MTUS2: variants seen among roughly 807,000 people sequenced by gnomAD.
MTUS2 encodes microtubule associated scaffold protein 2.
MTUS2 carries 40 observed loss-of-function variants against 114.1 expected under a neutral mutation model. That is an observed-to-expected ratio of 0.35 (90% CI 0.27 to 0.46). The LOEUF is 0.46. Among genes scored for constraint, MTUS2 ranks in the 20% least tolerant of loss-of-function variants. MTUS2 has a pLI of 1.00. For missense variants in MTUS2, 1,679 were observed against 1,705.4 expected (o/e 0.98, Z 0.27); for synonymous variants, 688 against 672.0 (o/e 1.02, Z -0.37).
At chr13:29,085,022 T>C (rs1180271327) in intron 4 of MTUS2, among the ~76,000 whole-genome samples, 2 of 152,172 alleles carry the variant, frequency 1.3e-5, no homozygotes, top group Non-Finnish European at 2.9e-5. Context: ...CCCTTGGTGA[T>C]GAGTGAATTC....
intron 5 of MTUS2, among the ~76,000 whole-genome samples, chr13:29,181,786 T>C (rs932442995): frequency 3.3e-5 from 3 of 91,828 alleles, no homozygotes; most frequent in Non-Finnish European, 6.2e-5. Context: ...ATTTATATAC[T>C]ACTGTGTGTG....
intron 1 of MTUS2, among the ~76,000 whole-genome samples, chr13:28,834,761 G>A (rs1593232450): frequency 6.6e-6 from 1 of 152,060 alleles, no homozygotes; most frequent in Admixed American, 6.6e-5. Context: ...TTAATTTTTT[G>A]AAAATTATGT....
intron 5 of MTUS2, among the ~76,000 whole-genome samples, chr13:29,242,109 A>G (rs1896755248): frequency 6.6e-6 from 1 of 152,274 alleles, no homozygotes; most frequent in Non-Finnish European, 1.5e-5. Flanking sequence ...TTTACATATC[A>G]TAAAATTCAC....
chr13:29,337,930 A>G (rs1593319470), intron 7 of MTUS2, among the ~76,000 whole-genome samples: 1 of 150,278 alleles, frequency 6.7e-6, no homozygotes, highest in Non-Finnish European at 1.5e-5. Context: ...CTGGGACTAC[A>G]GGTGTGTGTC....
intron 6 of MTUS2, among the ~76,000 whole-genome samples, chr13:29,297,324 G>A (rs567681452): frequency 1.1e-4 from 16 of 152,198 alleles, no homozygotes; most frequent in African/African-American, 3.1e-4. Context: ...TATGAAAGTC[G>A]TTTCTTATTT....
intron 11 of MTUS2, among the ~76,000 whole-genome samples, chr13:29,488,630 T>G (rs1256662769): frequency 6.6e-6 from 1 of 151,956 alleles, no homozygotes. Context: ...TTTATGATGT[T>G]TATTGCCTTA....
chr13:28,840,357 A>G (rs1875390169), intron 2 of MTUS2, among the ~76,000 whole-genome samples: 1 of 152,202 alleles, frequency 6.6e-6, no homozygotes, highest in African/African-American at 2.4e-5. Flanking sequence ...AGCCAAGACC[A>G]CAGAAAGCTT....
At chr13:29,319,075 G>A (rs996275586) in intron 6 of MTUS2, among the ~76,000 whole-genome samples, 9 of 152,236 alleles carry the variant, frequency 5.9e-5, no homozygotes, top group East Asian at 5.8e-4. Flanking sequence ...CTGAATCTCC[G>A]TATAGATAAG....
intron 8 of MTUS2, among the ~76,000 whole-genome samples, chr13:29,378,835 A>G (rs1367149896): frequency 6.6e-6 from 1 of 152,010 alleles, no homozygotes; most frequent in East Asian, 1.9e-4. Context: ...ACTTCATGCT[A>G]TGGTCTAGCT....
intron 2 of MTUS2, among the ~76,000 whole-genome samples, chr13:28,882,821 G>C (rs1029669292): frequency 1.8e-4 from 27 of 152,154 alleles, no homozygotes; most frequent in African/African-American, 5.8e-4. Flanking sequence ...GCAAGCCACA[G>C]TTAGAAACTT....
rs2139031808 is a variant in MTUS2, at chr13:29,503,073, A to G, written c.3977A>G (p.Asn1326Ser). 1.9e-6 allele frequency: 3 copies of G among 1,614,254 alleles called. No homozygotes were observed. Among genetic ancestry groups the G allele is most frequent in the African/African-American group, 1.3e-5 (1 of 75,068 alleles). The change falls in exon 16 of 16, where the codon AAT becomes AGT. Residue 1326 changes from asparagine to serine, a missense_variant. By Grantham distance (46) the Asn-to-Ser change is conservative (BLOSUM62 1). Transcript: ENST00000612955. The stretch of plus-strand genomic sequence containing the variant: ...GAGAAGAAGAGATTGAGCCGAACCA[A>G]TGAAGAGCTGCTTTGGAAGCTCCAA... ...TQEKKRLSRT[N>S]EELLWKLQTG...
intron 7 of MTUS2, among the ~76,000 whole-genome samples, chr13:29,334,712 G>A (rs148394516): frequency 4.3e-4 from 65 of 152,178 alleles, no homozygotes; most frequent in African/African-American, 1.5e-3. Context: ...TATCTTAGTG[G>A]TGTTCTCTAT....
rs770163432 is a variant in MTUS2, at chr13:29,066,481, TG to T, written c.2446+32357del. On this transcript the variant is annotated intron_variant, in intron 4 of 15. Coordinates refer to ENST00000612955, the MANE Select transcript of MTUS2 (RefSeq NM_001033602.4). The stretch of plus-strand genomic sequence containing the variant: ...GAGCAGGGGTGGGTTTTGTTGTCTC[TG>T]TTGCAACTACTCACCTCCGATGTTA... Among the ~76,000 whole-genome samples, 6 of 152,334 alleles carry T rather than the reference TG, an allele frequency of 3.9e-5. No individual in the cohort carries two copies. In the East Asian group the frequency reaches 1.2e-3, roughly 29 times the overall value.
chr13:29,338,041 C>T (rs1392792530), intron 7 of MTUS2, among the ~76,000 whole-genome samples: 5 of 151,264 alleles, frequency 3.3e-5, no homozygotes, highest in Non-Finnish European at 2.9e-5. Flanking sequence ...ATTTGCCCAC[C>T]TCAGCCTCCC....
At chr13:29,350,658 A>C (rs111304274) in intron 7 of MTUS2, among the ~76,000 whole-genome samples, 9,665 of 151,928 alleles carry the variant, frequency 0.064, 1,061 homozygotes, top group African/African-American at 0.22. Context: ...GGGCTGCTAT[A>C]ACAAATACCA....
At chr13:29,447,449 T>C (rs925808283) in intron 9 of MTUS2, among the ~76,000 whole-genome samples, 3 of 151,292 alleles carry the variant, frequency 2.0e-5, no homozygotes, top group Non-Finnish European at 4.4e-5. Flanking sequence ...CTGTAGCTGA[T>C]TGGTTTGATT....
intron 8 of MTUS2, among the ~76,000 whole-genome samples, chr13:29,436,775 T>C (rs1245353008): frequency 6.6e-6 from 1 of 151,818 alleles, no homozygotes; most frequent in Non-Finnish European, 1.5e-5. Context: ...TTCCACTTCC[T>C]TGCCTCTCTC....
intron 9 of MTUS2, among the ~76,000 whole-genome samples, chr13:29,444,287 G>A (rs1878114973): frequency 6.6e-6 from 1 of 152,158 alleles, no homozygotes; most frequent in Non-Finnish European, 1.5e-5. Context: ...AAATTAGCTA[G>A]GTGTGGTGGT....
At chr13:28,844,419 G>A (rs965269560) in intron 2 of MTUS2, among the ~76,000 whole-genome samples, 1 of 151,800 alleles carries the variant, frequency 6.6e-6, no homozygotes, top group African/African-American at 2.4e-5. Context: ...GTGTGTGCGC[G>A]CATGTGTGCG....
Sources: gnomAD v4.1 joint callset for allele counts (sites outside exome capture counted in the v4.1 genomes callset) on GRCh38, gnomAD v4.1.1 for gene constraint, MANE v1.5 for transcripts, NCBI Gene and HGNC (gene_info 2026-07-23, HGNC 2026-07-21) for gene names.